LRRC1: variants seen among roughly 807,000 people sequenced by gnomAD.
LRRC1 encodes leucine-rich repeat-containing protein 1.
In LRRC1, 28 loss-of-function variants were observed where a neutral mutation model predicts 69.9. That is an observed-to-expected ratio of 0.40 (90% CI 0.30 to 0.55). The LOEUF is 0.55. Among genes scored for constraint, LRRC1 ranks in the 20% least tolerant of loss-of-function variants. The pLI is 0.47. For synonymous variants in LRRC1, 236 were observed against 240.2 expected (o/e 0.98, Z 0.16); for missense variants, 498 against 609.0 (o/e 0.82, Z 1.92).
intron 1 of LRRC1, among the ~76,000 whole-genome samples, chr6:53,801,285 CAAAATTGCATCATTGTTGTCTGT>C (rs879501511): frequency 1.9e-4 from 29 of 152,182 alleles, no homozygotes; most frequent in Non-Finnish European, 1.8e-4. Context: ...ACAGTGTCTG[CAAAATTGCATCATTGTTGTCTGT>C]CATGTTAAAT....
intron 1 of LRRC1, among the ~76,000 whole-genome samples, chr6:53,822,712 C>T (rs961863565): frequency 1.3e-4 from 20 of 152,200 alleles, no homozygotes; most frequent in Non-Finnish European, 2.4e-4. Flanking sequence ...CTGACTGTAA[C>T]TAAATTCTCT....
At chr6:53,833,972 A>G (rs1033289046) in intron 1 of LRRC1, among the ~76,000 whole-genome samples, 2 of 152,206 alleles carry the variant, frequency 1.3e-5, no homozygotes, top group Non-Finnish European at 2.9e-5. Context: ...GTTCAGCATT[A>G]GTAAAATTCT....
intron 7 of LRRC1, 32 bp from the exon 8 acceptor site, chr6:53,899,713 AGT>A: frequency 6.2e-7 from 1 of 1,608,880 alleles, no homozygotes; most frequent in Non-Finnish European, 8.5e-7. Flanking sequence ...GGCAGGTTTA[AGT>A]GTGCGTTTAT....
At chr6:53,839,131 G>A (rs1765692196) in intron 1 of LRRC1, among the ~76,000 whole-genome samples, 1 of 151,634 alleles carries the variant, frequency 6.6e-6, no homozygotes, top group African/African-American at 2.4e-5. Flanking sequence ...TTTCTTATTT[G>A]AAATGTATGT....
chr6:53,838,933 CT>C (rs1175833847), intron 1 of LRRC1, among the ~76,000 whole-genome samples: 1 of 152,058 alleles, frequency 6.6e-6, no homozygotes, highest in Non-Finnish European at 1.5e-5. Flanking sequence ...AACATAACTG[CT>C]TTTTTCTTCT....
intron 1 of LRRC1, among the ~76,000 whole-genome samples, chr6:53,826,502 G>A (rs920076153): frequency 6.6e-6 from 1 of 152,142 alleles, no homozygotes; most frequent in Non-Finnish European, 1.5e-5. Context: ...GTGCCCATGT[G>A]CAGTTAGCCT....
At chr6:53,803,603 T>C (rs2127402868) in intron 1 of LRRC1, among the ~76,000 whole-genome samples, 1 of 152,238 alleles carries the variant, frequency 6.6e-6, no homozygotes, top group South Asian at 2.1e-4. Flanking sequence ...TGTGTGTGTG[T>C]GTAGTGTAAA....
chr6:53,919,291 G>T, intron 11 of LRRC1: 1 of 228,530 alleles, frequency 4.4e-6, no homozygotes, highest in East Asian at 7.8e-5. Context: ...GGAGAAGTGA[G>T]AGCAGAAAAG....
intron 10 of LRRC1, among the ~76,000 whole-genome samples, chr6:53,909,080 C>T (rs1768330133): frequency 6.6e-6 from 1 of 152,204 alleles, no homozygotes; most frequent in Non-Finnish European, 1.5e-5. Flanking sequence ...TATGGATATA[C>T]ACTAAGAATG....
chr6:53,869,643 G>C (rs1766818235), intron 2 of LRRC1, among the ~76,000 whole-genome samples: 1 of 152,186 alleles, frequency 6.6e-6, no homozygotes, highest in South Asian at 2.1e-4. Context: ...CAATATGCTT[G>C]ATACTGTGTG....
At position 53,836,043 on chromosome 6, in the gene LRRC1, G is replaced by A. The variant is rs537090200; in HGVS notation, c.160-6067G>A. Among the ~76,000 whole-genome samples the A allele has an allele frequency of 4.6e-5, 7 of 152,296 alleles. No homozygotes were observed. The South Asian group carries it at 8.3e-4, about 18-fold the overall frequency. ...CCCAAGAGTCCTTGCAGCTTTTGCCGTTGCCCTTTTTGAATGCTCTCTGGG... is the reference window on the plus strand; with the variant it reads ...CCCAAGAGTCCTTGCAGCTTTTGCCATTGCCCTTTTTGAATGCTCTCTGGG... On this transcript the variant is annotated intron_variant, in intron 1 of 13. Coordinates refer to ENST00000370888, the MANE Select transcript of LRRC1 (RefSeq NM_018214.5).
intron 10 of LRRC1, among the ~76,000 whole-genome samples, chr6:53,913,395 G>A (rs1562073132): frequency 6.6e-6 from 1 of 151,280 alleles, no homozygotes; most frequent in Non-Finnish European, 1.5e-5. Context: ...GGAACACCAA[G>A]AATGCTGAAG....
chr6:53,802,822 G>A (rs1304803920), intron 1 of LRRC1, among the ~76,000 whole-genome samples: 1 of 152,110 alleles, frequency 6.6e-6, no homozygotes, highest in Admixed American at 6.5e-5. Flanking sequence ...CAAATACTTG[G>A]AGAATATTTA....
chr6:53,902,800 T>A, intron 9 of LRRC1, 53 bp downstream of exon 9: 1 of 1,136,220 alleles, frequency 8.8e-7, no homozygotes, highest in Non-Finnish European at 1.3e-6. Context: ...AGATTCTACT[T>A]AATTTGTAAT....
rs774261475 is a variant in LRRC1, at chr6:53,920,715, C to T, written c.1370C>T (p.Ala457Val). ...WNERAVNRVS[A>V]IRFVEDEKDE... ...GAGCGTGCTGTCAACAGAGTCAGTG[C>T]GATCCGATTTGTGGAGGATGAGAAA... Residue 457 changes from alanine (A) to valine (V), a missense_variant, in exon 13 of 14, where the codon GCG becomes GTG. Physicochemically the swap from Ala to Val is moderately conservative, Grantham distance 64 (BLOSUM62 0). This residue lies in a region of LRRC1 where 162 missense variants were observed against 162.9 expected (regional missense o/e 0.99). Coordinates refer to ENST00000370888, the MANE Select transcript of LRRC1 (RefSeq NM_018214.5). The T allele has an allele frequency of 1.5e-5, 24 of 1,614,026 alleles. No homozygotes were observed. Among genetic ancestry groups the T allele is most frequent in the African/African-American group, 2.7e-5 (2 of 74,970 alleles).
intron 4 of LRRC1, among the ~76,000 whole-genome samples, chr6:53,886,336 T>C (rs1357125601): frequency 6.6e-6 from 1 of 152,156 alleles, no homozygotes; most frequent in East Asian, 1.9e-4. Context: ...GTATCAAACA[T>C]TGACATAAAT....
At chr6:53,850,061 TC>T (rs1766077371) in intron 2 of LRRC1, among the ~76,000 whole-genome samples, 1 of 67,020 alleles carries the variant, frequency 1.5e-5, no homozygotes, top group African/African-American at 4.7e-5. Flanking sequence ...TAATAAGATT[TC>T]TTTTTTTTTT....
chr6:53,866,942 T>G (rs1230573344), intron 2 of LRRC1, among the ~76,000 whole-genome samples: 1 of 152,038 alleles, frequency 6.6e-6, no homozygotes, highest in Non-Finnish European at 1.5e-5. Context: ...TAGACTGAGC[T>G]GCTGAAGATT....
Position 53,798,323 on chromosome 6 carries a change from T to TC in LRRC1, c.159+2909dup, listed in dbSNP as rs200044825. 2.0e-3 allele frequency among the ~76,000 whole-genome samples: 300 copies of TC among 152,374 alleles called. 4 individuals carry two copies. The East Asian group carries it at 0.041, about 21-fold the overall frequency. On this transcript the variant is annotated intron_variant, in intron 1 of 13. Transcript: ENST00000370888. Reference sequence around the variant, plus strand: ...TTTGGCTCTGTGCTAACAAAGGCAGTCTCACTGTAACCTTCTTGAGATGTC... The same window carrying TC: ...TTTGGCTCTGTGCTAACAAAGGCAGTCCTCACTGTAACCTTCTTGAGATGTC...
Sources: gnomAD v4.1 joint callset for allele counts (sites outside exome capture counted in the v4.1 genomes callset) on GRCh38, gnomAD v4.1.1 for gene constraint, gnomAD v4.1.1 regional missense constraint, MANE v1.5 for transcripts, NCBI Gene and HGNC (gene_info 2026-07-23, HGNC 2026-07-21) for gene names.